MYH15: variants seen among roughly 807,000 people sequenced by gnomAD.
MYH15 encodes the protein myosin heavy chain 15.
A neutral mutation model predicts 240.5 loss-of-function variants in MYH15; 227 were observed. The ratio of observed to expected loss-of-function variants is 0.94; its 90% CI spans 0.85 to 1.05. The LOEUF is 1.05. Ranked by LOEUF, MYH15 falls within the 50% of genes least tolerant of loss-of-function variation. The pLI is 0.00. For synonymous variants in MYH15, 785 were observed against 796.7 expected, an observed-to-expected ratio of 0.99 and a Z score of 0.25; for missense variants, 2,217 against 2,247.5, an observed-to-expected ratio of 0.99 and a Z score of 0.27.
the MYH15 span, chr3:108,543,738 A>G: frequency 6.6e-6 from 1 of 152,286 alleles, no homozygotes; most frequent in Non-Finnish European, 1.5e-5. Flanking sequence ...ATGCAGGATG[A>G]TAGGCAATGG....
chr3:108,409,491 C>G (rs1010196734), intron 31 of MYH15, among the ~76,000 whole-genome samples: 8 of 152,374 alleles, frequency 5.3e-5, no homozygotes, highest in African/African-American at 1.9e-4. Flanking sequence ...TGTGCTTTAA[C>G]AAGCCCTCCA....
chr3:108,488,644 C>T (rs1326093613), intron 9 of MYH15, among the ~76,000 whole-genome samples: 2 of 152,108 alleles, frequency 1.3e-5, no homozygotes, highest in Admixed American at 6.6e-5. Context: ...TAATAGTATC[C>T]TATTGTGTAT....
In MYH15 at chr3:108,389,048, C is replaced by T. The variant is rs2082404701; in HGVS notation, c.5457G>A (p.Glu1819=). The change falls in exon 38 of 41, where the codon GAG becomes GAA. Residue 1819 remains glutamate (E), a synonymous_variant. Coordinates refer to ENST00000693548, the MANE Select transcript of MYH15 (RefSeq NM_014981.3). ...SRVRELEGEL[E]GEIRRSAEAQ... is the part of the protein sequence containing the mutation. ...CCTCTGCACTGCGACGGATTTCACCCTCCAGTTCACCTTCCAGTTCACGAA... is the reference window on the plus strand; with the variant it reads ...CCTCTGCACTGCGACGGATTTCACCTTCCAGTTCACCTTCCAGTTCACGAA... 8.7e-6 allele frequency: 14 copies of T among 1,613,872 alleles called. No individual in the cohort carries two copies. The highest frequency in any genetic ancestry group is 1.2e-5 in the Non-Finnish European group (14 of 1,179,910).
chr3:108,470,769 C>T lies in MYH15; in HGVS notation c.1312G>A (p.Ala438Thr), dbSNP rs1393649090. The T allele has an allele frequency of 6.2e-7, 1 of 1,613,804 alleles. No homozygotes were observed. The highest frequency in any genetic ancestry group is 1.1e-5 in the South Asian group (1 of 91,046). Reference protein sequence around the residue: ...FKWLVARINRALDAKLSRQFF... With the variant: ...FKWLVARINRTLDAKLSRQFF... ...TGCCTTGACAGCTTGGCATCCAGGG[C>T]CCTGTTGATCCGTGCCACTAGCCAC... Residue 438 changes from alanine to threonine, a missense_variant, in exon 13 of 41, where the codon GCC becomes ACC. Transcript: ENST00000693548.
In MYH15 at chr3:108,405,355, T is replaced by C. The variant is rs1290855432; in HGVS notation, c.4719A>G (p.Glu1573=). 1.3e-6 allele frequency: 2 copies of C among 1,503,604 alleles called. No homozygotes were observed. Among genetic ancestry groups the C allele is most frequent in the Non-Finnish European group, 1.8e-6 (2 of 1,110,542 alleles). The allele number at this position is 1,503,604 out of a possible 1,614,324, so 93.1% of individuals were successfully genotyped here. The change falls in exon 33 of 41, where the codon GAA becomes GAG. Residue 1573 remains glutamate (E), a synonymous_variant. Coordinates refer to ENST00000693548, the MANE Select transcript of MYH15 (RefSeq NM_014981.3). ...TTAAATACCTAAAATTTTCTATTTCTTCATCTTTCTCTGAAAGCTTTCTTT... is the reference window on the plus strand; with the variant it reads ...TTAAATACCTAAAATTTTCTATTTCCTCATCTTTCTCTGAAAGCTTTCTTT... ...ELERKLSEKD[E]EIENFRRKQQ... is the part of the protein sequence containing the mutation.
At chr3:108,517,328 AC>A (rs2083581503) in intron 1 of MYH15, among the ~76,000 whole-genome samples, 1 of 151,820 alleles carries the variant, frequency 6.6e-6, no homozygotes, top group African/African-American at 2.4e-5. Flanking sequence ...CCAGAGAAGA[AC>A]TTCTGATTAA....
the MYH15 span, among the ~76,000 whole-genome samples, chr3:108,534,366 C>T: frequency 5.9e-5 from 9 of 152,150 alleles, no homozygotes; most frequent in Non-Finnish European, 8.8e-5. Context: ...GGATGTCTCA[C>T]GAATGCTCTA....
chr3:108,521,067 T>G (rs935901008), intron 1 of MYH15, among the ~76,000 whole-genome samples: 1 of 152,098 alleles, frequency 6.6e-6, no homozygotes, highest in Non-Finnish European at 1.5e-5. Context: ...ATTCTTGTAA[T>G]AATTATAATA....
At chr3:108,532,157 A>C (rs544048816), upstream of MYH15, among the ~76,000 whole-genome samples, 3 of 152,140 alleles carry the variant, frequency 2.0e-5, no homozygotes, top group Non-Finnish European at 4.4e-5. Context: ...TGTGACAGTT[A>C]AATTTTTGTC....
At chr3:108,450,140 A>T (rs2107574783) in intron 21 of MYH15, among the ~76,000 whole-genome samples, 1 of 152,276 alleles carries the variant, frequency 6.6e-6, no homozygotes, top group East Asian at 1.9e-4. Flanking sequence ...TATGGAAAAC[A>T]GTATGAAGGC....
intron 37 of MYH15, among the ~76,000 whole-genome samples, chr3:108,391,028 C>T (rs1304219397): frequency 2.6e-5 from 4 of 152,182 alleles, no homozygotes; most frequent in African/African-American, 9.7e-5. Context: ...ACGCTTTCCA[C>T]ATTGCCCTCA....
chr3:108,418,111 A>G (rs1432997204), intron 28 of MYH15, among the ~76,000 whole-genome samples: 2 of 152,182 alleles, frequency 1.3e-5, no homozygotes, highest in Non-Finnish European at 2.9e-5. Context: ...TTGAGAAATC[A>G]TCTGCCAAAC....
chr3:108,508,250 A>C (rs181941189), intron 1 of MYH15, among the ~76,000 whole-genome samples: 114 of 152,298 alleles, frequency 7.5e-4, no homozygotes, highest in Non-Finnish European at 4.0e-4. Context: ...CCACCCCTGG[A>C]AACACTTAGT....
chr3:108,528,063 T>C (rs2083687085), intron 1 of MYH15, among the ~76,000 whole-genome samples: 1 of 152,146 alleles, frequency 6.6e-6, no homozygotes, highest in Admixed American at 6.6e-5. Context: ...ACAGTATTAA[T>C]CCGTTAATGA....
At chr3:108,416,769 AAC>A (rs1491505742) in intron 29 of MYH15, 41 bp downstream of exon 29, 17 of 1,172,414 alleles carry the variant, frequency 1.5e-5, no homozygotes, top group East Asian at 7.4e-5. Context: ...TAAAAAAAAA[AAC>A]ACACAGTCAA....
At chr3:108,514,761 T>C (rs1559674269), upstream of MYH15, among the ~76,000 whole-genome samples, 1 of 152,202 alleles carries the variant, frequency 6.6e-6, no homozygotes, top group East Asian at 1.9e-4. Context: ...ATGGAAACTG[T>C]AGGCAGAGTT....
intron 25 of MYH15, among the ~76,000 whole-genome samples, chr3:108,437,029 C>T (rs184672300): frequency 4.6e-5 from 7 of 152,066 alleles, no homozygotes; most frequent in Admixed American, 4.6e-4. Context: ...GAAAGTTTCC[C>T]TAATTTTGAT....
chr3:108,485,296 C>G (rs993529184), intron 10 of MYH15, 67 bp from the exon 11 acceptor site: 2 of 1,573,050 alleles, frequency 1.3e-6, no homozygotes, highest in Non-Finnish European at 8.7e-7. Context: ...ACCTCACCCC[C>G]GCTGTGTTAC....
the MYH15 span, among the ~76,000 whole-genome samples, chr3:108,538,150 C>T: frequency 1.1e-4 from 17 of 152,138 alleles, no homozygotes; most frequent in Non-Finnish European, 2.2e-4. Context: ...TTACTGCTTC[C>T]GTTGTGTATT....
Sources: allele counts gnomAD v4.1 joint callset (sites outside exome capture counted in the v4.1 genomes callset), GRCh38; gene constraint gnomAD v4.1.1; transcripts MANE v1.5; gene names NCBI Gene and HGNC (gene_info 2026-07-23, HGNC 2026-07-21).